SLC34A1: variants seen among roughly 807,000 people sequenced by gnomAD.
The protein encoded by SLC34A1 is solute carrier family 34 member 1.
In SLC34A1, 57 loss-of-function variants were observed where a neutral mutation model predicts 51.4. The ratio of observed to expected loss-of-function variants is 1.11; its 90% confidence interval spans 0.90 to 1.38. The LOEUF is 1.38. Among genes scored for constraint, SLC34A1 ranks in the 40% most tolerant of loss-of-function variants. The probability of loss-of-function intolerance (pLI) is 0.00; values close to 1 mark genes in which losing one functional copy is unlikely to be tolerated. For synonymous variants in SLC34A1, 368 were observed against 358.0 expected, an observed-to-expected ratio of 1.03 and a Z score of -0.32; for missense variants, 796 against 835.6, an observed-to-expected ratio of 0.95 and a Z score of 0.58.
Position 177,388,418 on chromosome 5 carries a change from C to A in SLC34A1, c.936+46C>A. On this transcript the variant is annotated intron_variant, in intron 8 of 12. Transcript: ENST00000324417. This position sits in a 1 kb window ranked among gnomAD's most constrained non-coding sequence, Gnocchi z 4.3. ...CAGGTAAGAGGACTCCCTCTTCAGA[C>A]TCTTGGTTTCATTGTCTGTTCAAAA... 6.8e-7 allele frequency: 1 copy of A among 1,472,644 alleles called. No individual in the cohort carries two copies. Among genetic ancestry groups the A allele is most frequent in the Non-Finnish European group, 9.5e-7 (1 of 1,052,080 alleles). 91.2% of individuals were successfully genotyped at this position (1,472,644 alleles called of 1,614,324 possible).
In SLC34A1 at chr5:177,386,246, C is replaced by T; in HGVS notation, c.285C>T (p.Arg95=). ...AGTCCAGGCTGGTCCCCAAGCTGCGCCAGGCTGGCGCCATGCTGCTCAAGG... is the reference window on the plus strand; with the variant it reads ...AGTCCAGGCTGGTCCCCAAGCTGCGTCAGGCTGGCGCCATGCTGCTCAAGG... ...KPESRLVPKL[R]QAGAMLLKVP... is the part of the protein sequence containing the mutation. Residue 95 remains arginine (R), a synonymous_variant, in exon 4 of 13, where the codon CGC becomes CGT. Transcript: ENST00000324417. The surrounding 1 kb of genome is among the most constrained non-coding windows in gnomAD (Gnocchi z 4.8). The T allele has an allele frequency of 6.5e-7, 1 of 1,544,162 alleles. No homozygotes were observed. Among genetic ancestry groups the T allele is most frequent in the Non-Finnish European group, 8.9e-7 (1 of 1,119,896 alleles).
At chr5:177,395,639 T>C (rs561151759) in intron 10 of SLC34A1, among the ~76,000 whole-genome samples, 1 of 152,170 alleles carries the variant, frequency 6.6e-6, no homozygotes, top group South Asian at 2.1e-4. Flanking sequence ...CATTTTCCCT[T>C]TTTTGTTTTT....
In SLC34A1 at chr5:177,386,440, ATCT is replaced by A. The variant is rs758233945; in HGVS notation, c.409_411del (p.Phe137del). 2.5e-5 allele frequency: 41 copies of A among 1,614,084 alleles called. No individual in the cohort carries two copies. Among genetic ancestry groups the A allele is most frequent in the Non-Finnish European group, 3.3e-5 (39 of 1,180,038 alleles). On this transcript the variant is annotated inframe_deletion, in exon 5 of 13. Coordinates refer to ENST00000324417, the MANE Select transcript of SLC34A1 (RefSeq NM_003052.5). The surrounding 1 kb of genome is among the most constrained non-coding windows in gnomAD (Gnocchi z 4.8). ...CTCCCCAGGGAAGGTGGCTGGTGAC[ATCT>A]TCAAGGATAACGCCATCCTGTCCAA...
chr5:177,387,910 G>A (rs1441119494), intron 6 of SLC34A1, 37 bp downstream of exon 6: 2 of 1,608,302 alleles, frequency 1.2e-6, no homozygotes, highest in Non-Finnish European at 8.5e-7. Context: ...CGTGCCTGGG[G>A]GAGGACAGCC....
chr5:177,385,980 TC>T lies in SLC34A1; in HGVS notation c.110-4del. On this transcript the variant is annotated splice_polypyrimidine_tract_variant and splice_region_variant and intron_variant, in intron 2 of 12. Transcript: ENST00000324417. ...CCCTGGGGCTCCTGACCAGGCTCCC[TC>T]CCTAGTCCTACACAGGATCCCGGGG... 1 of 1,609,388 alleles carries T rather than the reference TC, an allele frequency of 6.2e-7. No homozygotes were observed. The highest frequency in any genetic ancestry group is 8.5e-7 in the Non-Finnish European group (1 of 1,179,006).
chr5:177,398,159 T>C lies in SLC34A1; in HGVS notation c.1793T>C (p.Leu598Pro), dbSNP rs1353197578. ...GACCACCTCATCACCCGCGCCACCC[T>C]ATGCTGTGCCAGGCCTGAGCCCCGC... The part of the protein sequence containing the change: ...PLDHLITRAT[L>P]CCARPEPRSP... The change falls in exon 13 of 13, where the codon CTA becomes CCA. Residue 598 changes from leucine (L) to proline (P), a missense_variant. Coordinates refer to ENST00000324417, the MANE Select transcript of SLC34A1 (RefSeq NM_003052.5). The surrounding 1 kb of genome is among the most constrained non-coding windows in gnomAD (Gnocchi z 4.7). 1 of 1,612,984 alleles carries C rather than the reference T, an allele frequency of 6.2e-7. No individual in the cohort carries two copies. The highest frequency in any genetic ancestry group is 1.1e-5 in the South Asian group (1 of 91,030).
chr5:177,387,484 C>A (rs1031342353), intron 5 of SLC34A1, among the ~76,000 whole-genome samples: 2 of 152,226 alleles, frequency 1.3e-5, no homozygotes, highest in African/African-American at 4.8e-5. Context: ...AGGACATGAG[C>A]CCACGAGCCC....
Position 177,386,529 on chromosome 5 carries a change from C to G in SLC34A1, c.495C>G (p.Thr165=). The change falls in exon 5 of 13, where the codon ACC becomes ACG. Residue 165 remains threonine, a synonymous_variant. Transcript: ENST00000324417. This position sits in a 1 kb window ranked among gnomAD's most constrained non-coding sequence, Gnocchi z 4.8. ...CCGTGCTGGTGCAGAGCTCCAGCAC[C>G]TCCACATCCATCATCGTCAGCATGG... ...LVTVLVQSSS[T]STSIIVSMVS... 6.2e-7 allele frequency: 1 copy of G among 1,613,954 alleles called. No homozygotes were observed.
Position 177,396,753 on chromosome 5 carries a change from T to C in SLC34A1, c.1195T>C (p.Trp399Arg), listed in dbSNP as rs746252874. 5 of 1,614,246 alleles carry C rather than the reference T, an allele frequency of 3.1e-6. No individual in the cohort carries two copies. The East Asian group carries it at 6.7e-5, about 22-fold the overall frequency. ...INTDFPAPFT[W>R]VTGYFAMVVG... ...TGCAGACTTCCCTGCCCCCTTCACC[T>C]GGGTCACAGGCTACTTTGCCATGGT... is the stretch of plus-strand genomic sequence containing the variant. The change falls in exon 11 of 13, where the codon TGG becomes CGG. Residue 399 changes from tryptophan (W) to arginine (R), a missense_variant. Trp to Arg is a moderately radical substitution (Grantham distance 101). Coordinates refer to ENST00000324417, the MANE Select transcript of SLC34A1 (RefSeq NM_003052.5). The surrounding 1 kb of genome is among the most constrained non-coding windows in gnomAD (Gnocchi z 4.0).
chr5:177,396,515 T>G lies in SLC34A1; in HGVS notation c.1175-218T>G, dbSNP rs372083659. Among the ~76,000 whole-genome samples the G allele has an allele frequency of 7.9e-3, 500 of 63,202 alleles. 1 individual carries two copies. The highest frequency in any genetic ancestry group is 0.022 in the African/African-American group (402 of 17,922). The allele number at this position is 63,202 out of a possible 152,430, so 41.5% of individuals were successfully genotyped here. A position where few individuals can be genotyped will look rare whatever the true frequency, so the allele number is the denominator to read the frequency against. The stretch of plus-strand genomic sequence containing the variant: ...TCTCCCAGTGCCCCCGCGGAGGTCC[T>G]CTCTCCCAGTGCCCCCGCGGAGGTC... On this transcript the variant is annotated intron_variant, in intron 10 of 12. Transcript: ENST00000324417. The surrounding 1 kb of genome is among the most constrained non-coding windows in gnomAD (Gnocchi z 4.0).
intron 1 of SLC34A1, 21 bp from the exon 2 acceptor site, chr5:177,385,674 G>A (rs1459240421): frequency 8.6e-7 from 1 of 1,163,112 alleles, no homozygotes; most frequent in Non-Finnish European, 1.3e-6. Context: ...GAGTGTCCCG[G>A]ACACAGCTAT....
At position 177,387,791 on chromosome 5, in the gene SLC34A1, A is replaced by G. The variant is rs977376514; in HGVS notation, c.562A>G (p.Ile188Val). The change falls in exon 6 of 13, where the codon ATC (isoleucine) becomes GTC (valine). Residue 188 changes from isoleucine (I) to valine (V), a missense_variant. By Grantham distance (29) the Ile-to-Val change is conservative. Coordinates refer to ENST00000324417, the MANE Select transcript of SLC34A1 (RefSeq NM_003052.5). ...LLEVSSAIPIIMGSNIGTSVT... is the reference protein window; with the variant it reads ...LLEVSSAIPIVMGSNIGTSVT... ...GGAGGTGAGCTCTGCCATCCCCATC[A>G]TCATGGGCTCCAACATCGGCACCTC... is the stretch of plus-strand genomic sequence containing the variant. 2.5e-6 allele frequency: 4 copies of G among 1,613,534 alleles called. No homozygotes were observed. Among genetic ancestry groups the G allele is most frequent in the Admixed American group, 3.3e-5 (2 of 59,926 alleles).
At position 177,387,252 on chromosome 5, in the gene SLC34A1, A is replaced by G. The variant is rs116550465; in HGVS notation, c.533-510A>G. ...CAACAAAAACCAAAAAGCATTAGCC[A>G]GGCGTGGTGGCAGGTGTCTGCAGTC... On this transcript the variant is annotated intron_variant, in intron 5 of 12. Transcript: ENST00000324417. 4.0e-3 allele frequency among the ~76,000 whole-genome samples: 601 copies of G among 152,076 alleles called. 1 individual carries two copies. The highest frequency in any genetic ancestry group is 0.014 in the African/African-American group (579 of 41,516).
In SLC34A1 at chr5:177,396,820, T is replaced by C. The variant is rs754676110; in HGVS notation, c.1262T>C (p.Val421Ala). 2 of 1,614,206 alleles carry C rather than the reference T, an allele frequency of 1.2e-6. No individual in the cohort carries two copies. Among genetic ancestry groups the C allele is most frequent in the Admixed American group, 1.7e-5 (1 of 60,034 alleles). ...SMTFVVQSSS[V>A]FTSAITPLIG... ...ACCTTCGTGGTCCAGAGCAGTTCTG[T>C]GTTCACCTCGGCCATCACCCCACTC... Residue 421 changes from valine to alanine, a missense_variant, in exon 11 of 13, where the codon GTG becomes GCG. Physicochemically the swap from Val to Ala is moderately conservative, Grantham distance 64. Transcript: ENST00000324417. The surrounding 1 kb of genome is among the most constrained non-coding windows in gnomAD (Gnocchi z 4.0).
chr5:177,395,174 T>C (rs919294555), intron 10 of SLC34A1, among the ~76,000 whole-genome samples: 20 of 150,926 alleles, frequency 1.3e-4, no homozygotes, highest in Non-Finnish European at 1.0e-4. Flanking sequence ...AATAAATAAA[T>C]AAATAAAAAT....
rs1762694585 is a variant in SLC34A1, at chr5:177,388,793, GCGCAAC to G, written c.936+423_936+428del. Among the ~76,000 whole-genome samples the G allele has an allele frequency of 6.6e-6, 1 of 152,186 alleles. No homozygotes were observed. The highest frequency in any genetic ancestry group is 2.4e-5 in the African/African-American group (1 of 41,436). The stretch of plus-strand genomic sequence containing the variant: ...CTCAAGTTTGAGAACCGCTGATCCA[GCGCAAC>G]CCTTGGGTTTCACAGGTAGAGACAC... On this transcript the variant is annotated intron_variant, in intron 8 of 12. Transcript: ENST00000324417. This position sits in a 1 kb window ranked among gnomAD's most constrained non-coding sequence, Gnocchi z 4.3.
chr5:177,389,859 A>T, intron 8 of SLC34A1: 1 of 1,463,016 alleles, frequency 6.8e-7, no homozygotes, highest in South Asian at 1.4e-5. Flanking sequence ...GCTGCAGCTG[A>T]CACTTGTCCA....
At chr5:177,392,394 C>T (rs58944269) in intron 8 of SLC34A1, among the ~76,000 whole-genome samples, 3,151 of 152,172 alleles carry the variant, frequency 0.021, 118 homozygotes, top group African/African-American at 0.07. Flanking sequence ...ACCCAGGAGG[C>T]GGAGGTTGCA....
intron 10 of SLC34A1, among the ~76,000 whole-genome samples, chr5:177,395,041 T>C (rs942201299): frequency 1.3e-5 from 2 of 151,992 alleles, no homozygotes; most frequent in African/African-American, 4.8e-5. Context: ...GGCATGGTGG[T>C]GTGCTCCTAT....
Sources: allele counts gnomAD v4.1 joint callset (sites outside exome capture counted in the v4.1 genomes callset), GRCh38; gene constraint gnomAD v4.1.1; non-coding constraint Gnocchi (gnomAD v3.1); transcripts MANE v1.5; gene names NCBI Gene and HGNC (gene_info 2026-07-23, HGNC 2026-07-21).